Variants in PDPK1 observed in about 807,000 individuals in gnomAD.
PDPK1 encodes 3-phosphoinositide dependent protein kinase 1, also known as 3-phosphoinositide-dependent protein kinase 1.
A neutral mutation model predicts 39.8 loss-of-function variants in PDPK1; 7 were observed. The observed-to-expected ratio is 0.18, with a 90% CI of 0.10 to 0.33. The LOEUF (loss-of-function observed/expected upper bound fraction) is 0.33, where lower values mean the gene tolerates loss of function less well. Ranked by LOEUF, PDPK1 falls within the 10% of genes least tolerant of loss-of-function variation. PDPK1 has a pLI of 1.00. For synonymous variants in PDPK1, 118 were observed against 159.1 expected, an observed-to-expected ratio of 0.74 and a Z score of 1.95; for missense variants, 182 against 384.7, an observed-to-expected ratio of 0.47 and a Z score of 4.41.
chr16:2,601,084 A>G lies in PDPK1; in HGVS notation c.*3317A>G, dbSNP rs182763560. The stretch of plus-strand genomic sequence containing the variant: ...CACTATTTAAATAATGCTGTGATGA[A>G]TATCTTTAAAATCTTCTGATTTCTT... On this transcript the variant is annotated 3_prime_UTR_variant, in exon 14 of 14. Transcript: ENST00000342085. 2.6e-5 allele frequency: 6 copies of G among 232,908 alleles called. No homozygotes were observed. The highest frequency in any genetic ancestry group is 1.8e-4 in the South Asian group (1 of 5,514). 14.4% of individuals were successfully genotyped at this position (232,908 alleles called of 1,614,324 possible).
At chr16:2,538,920 T>G in intron 1 of PDPK1, 1 of 459,136 alleles carries the variant, frequency 2.2e-6, no homozygotes, top group Non-Finnish European at 3.6e-6. Context: ...AGTTCTACAG[T>G]CTGGGGACGA....
chr16:2,595,715 T>C, intron 11 of PDPK1, 78 bp from the exon 12 acceptor site: 2 of 1,168,098 alleles, frequency 1.7e-6, no homozygotes, highest in Non-Finnish European at 2.6e-6. Flanking sequence ...CTATGGGGAG[T>C]TCGTGTGGCA....
Position 2,599,225 on chromosome 16 carries a change from G to T in PDPK1, c.*1458G>T, listed in dbSNP as rs2067164217. ...CTGGAGGGCAGCCCTCACTCCCTTTGGGGGAGAGGCAGACATTGCTGCCCA... is the reference window on the plus strand; with the variant it reads ...CTGGAGGGCAGCCCTCACTCCCTTTTGGGGAGAGGCAGACATTGCTGCCCA... On this transcript the variant is annotated 3_prime_UTR_variant, in exon 14 of 14. Transcript: ENST00000342085. The T allele has an allele frequency of 4.3e-6, 1 of 233,186 alleles. No individual in the cohort carries two copies. The highest frequency in any genetic ancestry group is 8.5e-6 in the Non-Finnish European group (1 of 118,122). The allele number at this position is 233,186 out of a possible 1,614,324, so 14.4% of individuals were successfully genotyped here. A position where few individuals can be genotyped will look rare whatever the true frequency, so the allele number is the denominator to read the frequency against.
chr16:2,586,006 C>G (rs370881066), intron 10 of PDPK1, among the ~76,000 whole-genome samples: 4 of 152,180 alleles, frequency 2.6e-5, no homozygotes, highest in African/African-American at 9.7e-5. Flanking sequence ...GACTCTCTGG[C>G]CTTGGCAGTG....
Position 2,602,108 on chromosome 16 carries a change from T to A in PDPK1, c.*4341T>A. 8.5e-6 allele frequency: 2 copies of A among 234,612 alleles called. No individual in the cohort carries two copies. The highest frequency in any genetic ancestry group is 1.7e-5 in the Non-Finnish European group (2 of 117,942). 14.5% of individuals were successfully genotyped at this position (234,612 alleles called of 1,614,324 possible). A position where few individuals can be genotyped will look rare whatever the true frequency, so the allele number is the denominator to read the frequency against. On this transcript the variant is annotated 3_prime_UTR_variant, in exon 14 of 14. Coordinates refer to ENST00000342085, the MANE Select transcript of PDPK1 (RefSeq NM_002613.5). ...GAGACTTCAGAGATCGCAGCTGCTG[T>A]GAGAATACGGTGAAGGTACTTTGTT...
chr16:2,573,660 C>T (rs1310991748), intron 6 of PDPK1, among the ~76,000 whole-genome samples: 6 of 83,366 alleles, frequency 7.2e-5, no homozygotes, highest in Admixed American at 1.2e-4. Context: ...ACCCGGGAGG[C>T]GGAGGAGGTT....
chr16:2,545,332 C>T (rs1336957745), intron 1 of PDPK1, among the ~76,000 whole-genome samples: 1 of 151,580 alleles, frequency 6.6e-6, no homozygotes, highest in Admixed American at 6.6e-5. Context: ...CTTTCTTTCT[C>T]TCTCTTTTTT....
intron 11 of PDPK1, among the ~76,000 whole-genome samples, chr16:2,589,994 C>G (rs1333687325): frequency 6.6e-6 from 1 of 152,228 alleles, no homozygotes; most frequent in Non-Finnish European, 1.5e-5. Flanking sequence ...ATTCAAGATA[C>G]GACTGCAGGC....
At chr16:2,558,007 T>A (rs375958515) in intron 2 of PDPK1, 44 bp downstream of exon 2, 36 of 1,601,256 alleles carry the variant, frequency 2.2e-5, no homozygotes, top group Non-Finnish European at 3.1e-5. Flanking sequence ...CGTGATTTCC[T>A]TGGGGAGGCT....
At chr16:2,540,974 C>G (rs1365068815) in intron 1 of PDPK1, among the ~76,000 whole-genome samples, 2 of 152,152 alleles carry the variant, frequency 1.3e-5, no homozygotes, top group East Asian at 1.9e-4. Flanking sequence ...TCGATTTTCT[C>G]TCTCCTTTTG....
intron 1 of PDPK1, among the ~76,000 whole-genome samples, chr16:2,545,100 G>A (rs142720910): frequency 6.8e-6 from 1 of 148,124 alleles, no homozygotes; most frequent in African/African-American, 2.5e-5. Context: ...GCAGTAGTGC[G>A]ATCTTGGCTC....
chr16:2,538,787 G>T (rs1167763195), intron 1 of PDPK1: 56 of 1,278,182 alleles, frequency 4.4e-5, no homozygotes, highest in Non-Finnish European at 5.5e-5. Flanking sequence ...AGGGATTTTA[G>T]GGGAAGGACC....
At chr16:2,545,422 C>T (rs897039255) in intron 1 of PDPK1, among the ~76,000 whole-genome samples, 29 of 151,950 alleles carry the variant, frequency 1.9e-4, no homozygotes, top group Non-Finnish European at 2.2e-4. Flanking sequence ...GCCTTGAACT[C>T]CCTTGGGCTC....
chr16:2,601,048 T>C lies in PDPK1; in HGVS notation c.*3281T>C, dbSNP rs1244250822. 8.6e-6 allele frequency: 2 copies of C among 232,614 alleles called. No individual in the cohort carries two copies. The highest frequency in any genetic ancestry group is 1.7e-5 in the Non-Finnish European group (2 of 117,964). The allele number at this position is 232,614 out of a possible 1,614,324, so 14.4% of individuals were successfully genotyped here. On this transcript the variant is annotated 3_prime_UTR_variant, in exon 14 of 14. Transcript: ENST00000342085. ...CTACTGTAAAATACTTAAGACGGTT[T>C]CTGATTTTTCCACTATTTAAATAAT...
chr16:2,590,956 T>G (rs79861151), intron 11 of PDPK1, among the ~76,000 whole-genome samples: 3,004 of 131,458 alleles, frequency 0.023, 108 homozygotes, highest in African/African-American at 0.091. Flanking sequence ...GCCAAAAGTC[T>G]TTTTTTTTTT....
At chr16:2,540,688 C>T (rs896868837) in intron 1 of PDPK1, among the ~76,000 whole-genome samples, 1 of 152,150 alleles carries the variant, frequency 6.6e-6, no homozygotes, top group African/African-American at 2.4e-5. Flanking sequence ...AACTCTGTGA[C>T]CCCGGGGCCT....
chr16:2,594,751 C>T (rs898373886), intron 11 of PDPK1, among the ~76,000 whole-genome samples: 1 of 152,132 alleles, frequency 6.6e-6, no homozygotes, highest in African/African-American at 2.4e-5. Context: ...GAGGCCGAGG[C>T]AGGCGGATCA....
At chr16:2,584,529 G>A (rs1400156862) in intron 10 of PDPK1, among the ~76,000 whole-genome samples, 3 of 149,160 alleles carry the variant, frequency 2.0e-5, no homozygotes, top group East Asian at 2.0e-4. Flanking sequence ...CACCATGCCC[G>A]GCTAATTTTT....
At chr16:2,587,241 A>T (rs899703269) in intron 11 of PDPK1, among the ~76,000 whole-genome samples, 5 of 151,802 alleles carry the variant, frequency 3.3e-5, no homozygotes, top group African/African-American at 1.2e-4. Flanking sequence ...AGCTTTCCCC[A>T]CTTGTCCATT....
Sources: allele counts gnomAD v4.1 joint callset (sites outside exome capture counted in the v4.1 genomes callset), GRCh38; gene constraint gnomAD v4.1.1; transcripts MANE v1.5; gene names NCBI Gene and HGNC (gene_info 2026-07-23, HGNC 2026-07-21).